FILIP1: variants seen among roughly 807,000 people sequenced by gnomAD.
FILIP1 encodes filamin-A-interacting protein 1.
In FILIP1, 61 loss-of-function variants were observed where a neutral mutation model predicts 102.1. The observed-to-expected ratio is 0.60, with a 90% CI of 0.49 to 0.74. The LOEUF is 0.74. Among genes scored for constraint, FILIP1 ranks in the 30% least tolerant of loss-of-function variants. The probability of loss-of-function intolerance (pLI) is 0.00; values close to 1 mark genes in which losing one functional copy is unlikely to be tolerated. For synonymous variants in FILIP1, 491 were observed against 526.9 expected (o/e 0.93, Z 0.93); for missense variants, 1,314 against 1,441.2 (o/e 0.91, Z 1.43).
intron 3 of FILIP1, among the ~76,000 whole-genome samples, chr6:75,356,805 G>C (rs1775018905): frequency 6.6e-6 from 1 of 152,030 alleles, no homozygotes; most frequent in African/African-American, 2.4e-5. Context: ...CTATACATGA[G>C]GTTTTCCCAT....
In FILIP1 at chr6:75,414,959, T is replaced by C; in HGVS notation, c.14A>G (p.Asn5Ser). The C allele has an allele frequency of 6.2e-7, 1 of 1,613,480 alleles. No homozygotes were observed. The change falls in exon 2 of 6, where the codon AAC (asparagine) becomes AGC (serine). Residue 5 changes from asparagine to serine, a missense_variant. Asn to Ser is a conservative substitution (Grantham distance 46). Transcript: ENST00000237172. Reference sequence around the variant, plus strand: ...ATCAGATGCACTTTCACCACCTTGGTTTCGAGATCTCATTCCCACCTACAA... The same window carrying C: ...ATCAGATGCACTTTCACCACCTTGGCTTCGAGATCTCATTCCCACCTACAA... MRSR[N>S]QGGESASDGH...
Position 75,315,112 on chromosome 6 carries a change from A to C in FILIP1, c.720T>G (p.Leu240=), listed in dbSNP as rs1185645083. Residue 240 remains leucine (L), a synonymous_variant, in exon 5 of 6, where the codon CTT becomes CTG. Coordinates refer to ENST00000237172, the MANE Select transcript of FILIP1 (RefSeq NM_015687.5). ...TGAGTGCAAAGGATTTGAGTTTAAC[A>C]AGCTCATCTCTTAGTTTATTGAGTC... is the stretch of plus-strand genomic sequence containing the variant. The part of the protein sequence containing the change: ...AKRLNKLRDE[L]VKLKSFALML... 3 of 1,612,806 alleles carry C rather than the reference A, an allele frequency of 1.9e-6. No homozygotes were observed. The Admixed American group carries it at 5.0e-5, about 27-fold the overall frequency.
rs1562437771 is a variant in FILIP1 at position 75,313,154 on chromosome 6, C to T, written c.2678G>A (p.Ser893Asn). Residue 893 changes from serine (S) to asparagine (N), a missense_variant, in exon 5 of 6, where the codon AGT becomes AAT. Physicochemically the swap from Ser to Asn is conservative, Grantham distance 46 (BLOSUM62 1). Around this residue, in one of 3 missense-constraint regions of FILIP1, gnomAD observed 816 missense variants for 913.1 expected, o/e 0.89. Coordinates refer to ENST00000237172, the MANE Select transcript of FILIP1 (RefSeq NM_015687.5). The surrounding 1 kb of genome is among the most constrained non-coding windows in gnomAD (Gnocchi z 4.2). The part of the protein sequence containing the change: ...TQEKGPRTNS[S>N]PGHPGEVVLS... ...GACTACCTCTCCTGGGTGCCCTGGA[C>T]TGGAATTTGTTCGGGGCCCTTTCTC... 2 of 1,614,194 alleles carry T rather than the reference C, an allele frequency of 1.2e-6. No homozygotes were observed. Among genetic ancestry groups the T allele is most frequent in the Non-Finnish European group, 1.7e-6 (2 of 1,180,036 alleles).
At chr6:75,372,603 AAAAGAAAGAAAGAAAGAAAAAGAAAG>A (rs1562514196) in intron 2 of FILIP1, among the ~76,000 whole-genome samples, 5 of 136,356 alleles carry the variant, frequency 3.7e-5, no homozygotes, top group Non-Finnish European at 4.7e-5. Flanking sequence ...GGCTATCAAG[AAAAGAAAGAAAGAAAGAAAAAGAAAG>A]AAAGAAAGAA....
At chr6:75,423,681 A>G (rs2149698986) in intron 1 of FILIP1, among the ~76,000 whole-genome samples, 1 of 152,044 alleles carries the variant, frequency 6.6e-6, no homozygotes, top group East Asian at 1.9e-4. Context: ...TGCACAACCA[A>G]CTCTTCAAAA....
At chr6:75,316,167 G>A (rs1165857545) in intron 4 of FILIP1, among the ~76,000 whole-genome samples, 1 of 152,136 alleles carries the variant, frequency 6.6e-6, no homozygotes, top group Admixed American at 6.5e-5. Flanking sequence ...TAAATATGCT[G>A]AAGTAGCTAT....
At chr6:75,364,685 C>T (rs959387557) in intron 2 of FILIP1, among the ~76,000 whole-genome samples, 1 of 152,084 alleles carries the variant, frequency 6.6e-6, no homozygotes, top group Non-Finnish European at 1.5e-5. Context: ...TGGAGAAGGA[C>T]CTACACATCA....
At chr6:75,438,260 T>C (rs1778090068) in intron 1 of FILIP1, among the ~76,000 whole-genome samples, 1 of 152,190 alleles carries the variant, frequency 6.6e-6, no homozygotes, top group South Asian at 2.1e-4. Flanking sequence ...ATTTTTGTCA[T>C]TCACTGAGCT....
chr6:75,464,038 C>T (rs1779098518), intron 1 of FILIP1, among the ~76,000 whole-genome samples: 1 of 152,166 alleles, frequency 6.6e-6, no homozygotes, highest in African/African-American at 2.4e-5. Context: ...AAATATTATG[C>T]TTCACAGAGG....
At chr6:75,353,487 A>C in intron 4 of FILIP1, 52 bp downstream of exon 4, 1 of 1,594,706 alleles carries the variant, frequency 6.3e-7, no homozygotes, top group Non-Finnish European at 8.6e-7. Flanking sequence ...ACGGGCAGAC[A>C]TGAAAGGGCT....
intron 5 of FILIP1, among the ~76,000 whole-genome samples, chr6:75,310,547 T>C (rs1306684213): frequency 1.3e-5 from 2 of 152,346 alleles, no homozygotes; most frequent in Non-Finnish European, 2.9e-5. Flanking sequence ...AACTTAGAAA[T>C]CTTAGACAGT....
intron 2 of FILIP1, among the ~76,000 whole-genome samples, chr6:75,380,337 A>G (rs1303490969): frequency 2.0e-5 from 3 of 152,164 alleles, no homozygotes; most frequent in Non-Finnish European, 4.4e-5. Context: ...GAAAGGTATA[A>G]ATAGACAGTT....
At chr6:75,321,387 C>T (rs1014660174) in intron 4 of FILIP1, among the ~76,000 whole-genome samples, 1 of 152,118 alleles carries the variant, frequency 6.6e-6, no homozygotes, top group East Asian at 1.9e-4. Context: ...GGGAAACATG[C>T]GATCATTTTG....
intron 1 of FILIP1, among the ~76,000 whole-genome samples, chr6:75,441,181 A>T (rs1337884061): frequency 2.7e-5 from 4 of 150,890 alleles, no homozygotes; most frequent in Admixed American, 2.6e-4. Flanking sequence ...AGTGGTGATG[A>T]CTCTTAACGA....
chr6:75,348,060 T>TACACACAC (rs1320631156), intron 4 of FILIP1, among the ~76,000 whole-genome samples: 2 of 54,748 alleles, frequency 3.7e-5, no homozygotes, highest in South Asian at 1.2e-3. Flanking sequence ...CCACATCAGT[T>TACACACAC]ATACACACAC....
chr6:75,371,239 G>T (rs1352816729), intron 2 of FILIP1, among the ~76,000 whole-genome samples: 1 of 152,182 alleles, frequency 6.6e-6, no homozygotes, highest in Non-Finnish European at 1.5e-5. Flanking sequence ...TCTCTTTGGA[G>T]AAATTATTCT....
intron 1 of FILIP1, among the ~76,000 whole-genome samples, chr6:75,470,838 T>C (rs1779305130): frequency 6.6e-6 from 1 of 152,064 alleles, no homozygotes; most frequent in East Asian, 1.9e-4. Context: ...CCTTCTGGAA[T>C]AAGACACAAA....
At position 75,414,962 on chromosome 6, in the gene FILIP1, C is replaced by T. The variant is rs145500939; in HGVS notation, c.11G>A (p.Arg4Gln). Residue 4 changes from arginine (R) to glutamine (Q), a missense_variant, in exon 2 of 6, where the codon CGA becomes CAA. Arg to Gln is a conservative substitution (Grantham distance 43, BLOSUM62 1). Around this residue, in one of 3 missense-constraint regions of FILIP1, gnomAD observed 494 missense variants for 511.2 expected, o/e 0.97. Transcript: ENST00000237172. The part of the protein sequence containing the change: MRS[R>Q]NQGGESASDG... ...AGATGCACTTTCACCACCTTGGTTT[C>T]GAGATCTCATTCCCACCTACAACAC... 4.0e-3 allele frequency: 6,450 copies of T among 1,613,286 alleles called. 18 individuals carry two copies. The highest frequency in any genetic ancestry group is 4.9e-3 in the Non-Finnish European group (5,810 of 1,179,492).
At chr6:75,341,771 T>C (rs1774426714) in intron 4 of FILIP1, among the ~76,000 whole-genome samples, 1 of 152,206 alleles carries the variant, frequency 6.6e-6, no homozygotes, top group Non-Finnish European at 1.5e-5. Flanking sequence ...TGAGTCTACA[T>C]ATAATTAAAT....
Sources: gnomAD v4.1 joint callset for allele counts (sites outside exome capture counted in the v4.1 genomes callset) on GRCh38, gnomAD v4.1.1 for gene constraint, gnomAD v4.1.1 regional missense constraint, Gnocchi (gnomAD v3.1) non-coding constraint, MANE v1.5 for transcripts, NCBI Gene and HGNC (gene_info 2026-07-23, HGNC 2026-07-21) for gene names.